Variants in NOTCH3 observed in about 807,000 individuals in gnomAD.
NOTCH3 encodes the protein neurogenic locus notch homolog protein 3.
NOTCH3 carries 86 observed loss-of-function variants against 213.3 expected under a neutral mutation model. That is an observed-to-expected ratio of 0.40 (90% CI 0.34 to 0.48). The LOEUF (loss-of-function observed/expected upper bound fraction) is 0.48, where lower values mean the gene tolerates loss of function less well. NOTCH3 is among the 20% of genes least tolerant of loss of function. The pLI is 0.57. For synonymous variants in NOTCH3, 1,354 were observed against 1,355.9 expected, an observed-to-expected ratio of 1.00 and a Z score of 0.03; for missense variants, 2,783 against 3,272.6, an observed-to-expected ratio of 0.85 and a Z score of 3.65.
intron 2 of NOTCH3, among the ~76,000 whole-genome samples, chr19:15,194,604 G>T (rs2145447033): frequency 1.3e-5 from 2 of 152,252 alleles, no homozygotes; most frequent in Middle Eastern, 6.8e-3. Flanking sequence ...GGTAAGGAGG[G>T]GGCCATGGGG....
Position 15,188,333 on chromosome 19 carries a change from T to C in NOTCH3, c.1394A>G (p.Tyr465Cys). Reference sequence around the variant, plus strand: ...ACACTCGTCAATGTCCACCTCGCAATAGGTTCCTGTGAAGCCTGGGGCAGG... The same window carrying C: ...ACACTCGTCAATGTCCACCTCGCAACAGGTTCCTGTGAAGCCTGGGGCAGG... ...CICMAGFTGT[Y>C]CEVDIDECQS... Residue 465 changes from tyrosine (Y) to cysteine (C), a missense_variant, in exon 9 of 33, where the codon TAT (tyrosine) becomes TGT (cysteine). Physicochemically the swap from Tyr to Cys is radical, Grantham distance 194 (BLOSUM62 -2). Around this residue, in one of 6 missense-constraint regions of NOTCH3, gnomAD observed 708 missense variants for 906.6 expected, o/e 0.78. Transcript: ENST00000263388. The C allele has an allele frequency of 6.2e-7, 1 of 1,603,516 alleles. No individual in the cohort carries two copies. Among genetic ancestry groups the C allele is most frequent in the Non-Finnish European group, 8.5e-7 (1 of 1,174,380 alleles).
chr19:15,171,500 C>A (rs1350291610), intron 25 of NOTCH3, among the ~76,000 whole-genome samples: 2 of 152,174 alleles, frequency 1.3e-5, no homozygotes, highest in Non-Finnish European at 2.9e-5. Flanking sequence ...CAGACATGTG[C>A]CACCACACCT....
Position 15,174,141 on chromosome 19 carries a change from C to T in NOTCH3, c.4663G>A (p.Val1555Ile). 1.2e-6 allele frequency: 2 copies of T among 1,609,302 alleles called. No homozygotes were observed. The highest frequency in any genetic ancestry group is 1.7e-6 in the Non-Finnish European group (2 of 1,178,552). Residue 1555 changes from valine (V) to isoleucine (I), a missense_variant, in exon 25 of 33, where the codon GTC (valine) becomes ATC (isoleucine). This residue lies in a region of NOTCH3 where 636 missense variants were observed against 801.8 expected (regional missense o/e 0.79). Coordinates refer to ENST00000263388, the MANE Select transcript of NOTCH3 (RefSeq NM_000435.3). ...FRLDAHGQAM[V>I]FPYHRPSPGS... is the part of the protein sequence containing the mutation. ...GGACTAGGCCGGTGGTAAGGGAAGA[C>T]CATGGCCTGGCCGTGCGCGTCCAGG...
In NOTCH3 at chr19:15,160,260, T is replaced by C; in HGVS notation, c.*402A>G. On this transcript the variant is annotated 3_prime_UTR_variant, in exon 33 of 33. Transcript: ENST00000263388. The stretch of plus-strand genomic sequence containing the variant: ...CTCCATATATATATTTTGTAAAAAA[T>C]AATAATAATAAGTTTGTTTAAATGA... 1 of 237,060 alleles carries C rather than the reference T, an allele frequency of 4.2e-6. No homozygotes were observed. The allele number at this position is 237,060 out of a possible 1,614,324, so 14.7% of individuals were successfully genotyped here. A position where few individuals can be genotyped will look rare whatever the true frequency, so the allele number is the denominator to read the frequency against.
At chr19:15,197,467 G>T in intron 2 of NOTCH3, 33 bp downstream of exon 2, 2 of 614,520 alleles carry the variant, frequency 3.3e-6, no homozygotes, top group South Asian at 1.4e-5. Context: ...CCCACACACA[G>T]GGCCCACTGG....
rs541313281 is a variant in NOTCH3, at chr19:15,180,579, C to T, written c.3142+102G>A. The stretch of plus-strand genomic sequence containing the variant: ...ACTCAGCCACACACCCCATCATGCC[C>T]CATAGGCTCTGTGGCACCCCCATTC... On this transcript the variant is annotated intron_variant, in intron 19 of 32. Coordinates refer to ENST00000263388, the MANE Select transcript of NOTCH3 (RefSeq NM_000435.3). 5.2e-5 allele frequency: 70 copies of T among 1,356,964 alleles called. 1 individual carries two copies. The East Asian group carries it at 1.7e-3, about 33-fold the overall frequency. 84.1% of individuals were successfully genotyped at this position (1,356,964 alleles called of 1,614,324 possible). A position where few individuals can be genotyped will look rare whatever the true frequency, so the allele number is the denominator to read the frequency against.
In NOTCH3 at chr19:15,170,161, G is replaced by A. The variant is rs149766864; in HGVS notation, c.5124C>T (p.Ala1708=). 21 of 1,604,050 alleles carry A rather than the reference G, an allele frequency of 1.3e-5. No individual in the cohort carries two copies. The African/African-American group carries it at 2.8e-4, about 21-fold the overall frequency. Residue 1708 remains alanine (A), a synonymous_variant, in exon 28 of 33, where the codon GCC becomes GCT. Transcript: ENST00000263388. ...GQDALGMKNM[A]KGESLMGEVA... ...CCTCCCCCATCAGGCTCTCACCCTT[G>A]GCCATGTTCCTGGCGGACAATGGGA...
intron 25 of NOTCH3, among the ~76,000 whole-genome samples, chr19:15,172,524 C>G (rs2046742927): frequency 1.3e-5 from 2 of 151,934 alleles, no homozygotes; most frequent in Admixed American, 1.3e-4. Context: ...CACCCACATC[C>G]CAATATCTGC....
chr19:15,198,868 G>A (rs775086555), intron 1 of NOTCH3, among the ~76,000 whole-genome samples: 2 of 151,834 alleles, frequency 1.3e-5, no homozygotes, highest in African/African-American at 2.4e-5. Context: ...CCGAGATTGC[G>A]CCACTGCATG....
At position 15,166,101 on chromosome 19, in the gene NOTCH3, C is replaced by G. The variant is rs779122303; in HGVS notation, c.5363-10G>C. ...AGCGGGGTGAAGCCATCTGCAGGGACAGGAGTGTGTCAGCAGGAAGGTAAA... is the reference window on the plus strand; with the variant it reads ...AGCGGGGTGAAGCCATCTGCAGGGAGAGGAGTGTGTCAGCAGGAAGGTAAA... On this transcript the variant is annotated splice_polypyrimidine_tract_variant and intron_variant, in intron 29 of 32. Transcript: ENST00000263388. The G allele has an allele frequency of 3.1e-6, 5 of 1,613,068 alleles. No homozygotes were observed. In the South Asian group the frequency reaches 4.4e-5, roughly 14 times the overall value.
chr19:15,184,322 C>T lies in NOTCH3; in HGVS notation c.2539G>A (p.Asp847Asn), dbSNP rs2046863908. Residue 847 changes from aspartate (D) to asparagine (N), a missense_variant, in exon 16 of 33, where the codon GAT (aspartate) becomes AAT (asparagine). By Grantham distance (23) the Asp-to-Asn change is conservative. This residue lies in a region of NOTCH3 where 861 missense variants were observed against 909.1 expected (regional missense o/e 0.95). Coordinates refer to ENST00000263388, the MANE Select transcript of NOTCH3 (RefSeq NM_000435.3). Reference protein sequence around the residue: ...CHGGYTGPSCDQDINDCDPNP... With the variant: ...CHGGYTGPSCNQDINDCDPNP... ...GGGTCACAGTCATTGATGTCCTGAT[C>T]GCAGGAAGGGCCAGTGTACCCTCCA... 2.5e-6 allele frequency: 4 copies of T among 1,613,854 alleles called. No homozygotes were observed. Among genetic ancestry groups the T allele is most frequent in the East Asian group, 2.2e-5 (1 of 44,890 alleles).
At chr19:15,197,661 C>T (rs2046979737) in intron 1 of NOTCH3, 83 bp from the exon 2 acceptor site, 1 of 1,218,418 alleles carries the variant, frequency 8.2e-7, no homozygotes, top group East Asian at 2.4e-5. Context: ...TCCCTCCCTC[C>T]ACCAGGCAAC....
chr19:15,160,733 A>G lies in NOTCH3; in HGVS notation c.6895T>C (p.Ser2299Pro). ...AGCTGGGTCTGGGCCTGAGCAAGGG[A>G]GCTGGGAACAGACAAGGGAAGTGGC... is the stretch of plus-strand genomic sequence containing the variant. ...AQPLPLSVPS[S>P]LAQAQTQLGP... The change falls in exon 33 of 33, where the codon TCC becomes CCC. Residue 2299 changes from serine (S) to proline (P), a missense_variant. This residue lies in a region of NOTCH3 where 441 missense variants were observed against 432.1 expected (regional missense o/e 1.02). Coordinates refer to ENST00000263388, the MANE Select transcript of NOTCH3 (RefSeq NM_000435.3). The G allele has an allele frequency of 6.2e-7, 1 of 1,614,110 alleles. No individual in the cohort carries two copies. Among genetic ancestry groups the G allele is most frequent in the Non-Finnish European group, 8.5e-7 (1 of 1,180,016 alleles).
rs1474046163 is a variant in NOTCH3 at position 15,160,629 on chromosome 19, T to A, written c.*33A>T. 3.3e-6 allele frequency: 5 copies of A among 1,519,414 alleles called. No individual in the cohort carries two copies. The East Asian group carries it at 1.1e-4, about 34-fold the overall frequency. 94.1% of individuals were successfully genotyped at this position (1,519,414 alleles called of 1,614,324 possible). ...AAAGGAGGCAGGACGGGGGTCTCTT[T>A]AGGCCCCCAAGATCTAAGAACTGAC... On this transcript the variant is annotated 3_prime_UTR_variant, in exon 33 of 33. Coordinates refer to ENST00000263388, the MANE Select transcript of NOTCH3 (RefSeq NM_000435.3).
Position 15,192,449 on chromosome 19 carries a change from G to A in NOTCH3, c.268C>T (p.Arg90Cys), listed in dbSNP as rs1555729604. The A allele has an allele frequency of 6.2e-7, 1 of 1,612,442 alleles. No individual in the cohort carries two copies. ...DPCHSGPCAG[R>C]GVCQSSVVAG... The stretch of plus-strand genomic sequence containing the variant: ...ACCACTGAACTCTGGCAGACACCAC[G>A]GCCAGCACAGGGGCCTGAGTGACAG... The change falls in exon 3 of 33, where the codon CGT becomes TGT. Residue 90 changes from arginine (R) to cysteine (C), a missense_variant. Arg to Cys is a radical substitution (Grantham distance 180). Around this residue, in one of 6 missense-constraint regions of NOTCH3, gnomAD observed 708 missense variants for 906.6 expected, o/e 0.78. Transcript: ENST00000263388.
In NOTCH3 at chr19:15,187,278, T is replaced by C. The variant is rs774417667; in HGVS notation, c.1667A>G (p.His556Arg). 1.9e-6 allele frequency: 3 copies of C among 1,613,982 alleles called. No individual in the cohort carries two copies. Among genetic ancestry groups the C allele is most frequent in the Non-Finnish European group, 2.5e-6 (3 of 1,180,024 alleles). The change falls in exon 11 of 33, where the codon CAT becomes CGT. Residue 556 changes from histidine (H) to arginine (R), a missense_variant. His to Arg is a conservative substitution (Grantham distance 29). This residue lies in a region of NOTCH3 where 708 missense variants were observed against 906.6 expected (regional missense o/e 0.78). Coordinates refer to ENST00000263388, the MANE Select transcript of NOTCH3 (RefSeq NM_000435.3). ...VDDCSPDPCH[H>R]GRCVDGIASF... ...GGCGATGCCATCCACGCAGCGACCA[T>C]GGTGGCATGGGTCAGGGGAGCAGTC... is the stretch of plus-strand genomic sequence containing the variant.
At chr19:15,182,412 C>T (rs778866906) in intron 16 of NOTCH3, among the ~76,000 whole-genome samples, 3 of 151,504 alleles carry the variant, frequency 2.0e-5, no homozygotes, top group Admixed American at 1.3e-4. Flanking sequence ...GAGGCTGAGA[C>T]GGGAGGATCA....
chr19:15,164,055 G>A (rs1288355898), intron 31 of NOTCH3, among the ~76,000 whole-genome samples: 1 of 152,134 alleles, frequency 6.6e-6, no homozygotes. Flanking sequence ...ACAGATGAGG[G>A]GCTTGGCAGA....
At chr19:15,182,735 C>T (rs775235497) in intron 16 of NOTCH3, among the ~76,000 whole-genome samples, 20 of 152,060 alleles carry the variant, frequency 1.3e-4, no homozygotes, top group African/African-American at 2.4e-4. Flanking sequence ...CTCCGCCTCC[C>T]GGGTTCAAGT....
Sources: allele counts gnomAD v4.1 joint callset (sites outside exome capture counted in the v4.1 genomes callset), GRCh38; gene constraint gnomAD v4.1.1; regional missense constraint gnomAD v4.1.1; transcripts MANE v1.5; gene names NCBI Gene and HGNC (gene_info 2026-07-23, HGNC 2026-07-21).